RNF38: variants seen among roughly 807,000 people sequenced by gnomAD.
RNF38 encodes E3 ubiquitin-protein ligase RNF38.
RNF38 carries 15 observed loss-of-function variants against 67.2 expected under a neutral mutation model. The observed-to-expected ratio is 0.22, with a 90% confidence interval of 0.15 to 0.34. The LOEUF is 0.34. Ranked by LOEUF, RNF38 falls within the 10% of genes least tolerant of loss-of-function variation. The pLI, the probability that RNF38 is intolerant of heterozygous loss-of-function variation, is 1.00. For synonymous variants in RNF38, 220 were observed against 218.8 expected (o/e 1.01, Z -0.05); for missense variants, 524 against 639.9 (o/e 0.82, Z 1.95).
At chr9:36,350,700 A>G (rs889201904) in intron 9 of RNF38, among the ~76,000 whole-genome samples, 2 of 152,232 alleles carry the variant, frequency 1.3e-5, no homozygotes, top group Admixed American at 6.5e-5. Flanking sequence ...TAGAGCACCA[A>G]TCTACCTACC....
chr9:36,390,396 C>A, intron 2 of RNF38, 71 bp downstream of exon 2: 1 of 1,352,776 alleles, frequency 7.4e-7, no homozygotes. Context: ...CATTTTGTTT[C>A]AAGCCTTCCT....
chr9:36,369,241 CTTTT>C (rs1234996982), intron 4 of RNF38, among the ~76,000 whole-genome samples: 1 of 152,080 alleles, frequency 6.6e-6, no homozygotes, highest in African/African-American at 2.4e-5. Context: ...AACCTTGATC[CTTTT>C]TTTTAATTTT....
chr9:36,396,488 C>T (rs1837519747), intron 1 of RNF38, among the ~76,000 whole-genome samples: 2 of 152,070 alleles, frequency 1.3e-5, no homozygotes, highest in South Asian at 4.2e-4. Context: ...TATCACTGGG[C>T]CTAAAACAAA....
chr9:36,416,744 T>TTTTTTTTTG (rs1838482751), intron 2 of RNF38, among the ~76,000 whole-genome samples: 7 of 107,340 alleles, frequency 6.5e-5, no homozygotes, highest in African/African-American at 2.9e-4. Flanking sequence ...GCCTCGATAT[T>TTTTTTTTTG]TTTTTTTTTT....
chr9:36,400,274 G>A (rs1587618019), upstream of RNF38: 2 of 1,335,890 alleles, frequency 1.5e-6, no homozygotes, highest in East Asian at 2.8e-5. Flanking sequence ...AAGGACGCCA[G>A]AGAGGACCCT....
chr9:36,408,669 T>C (rs1041308667), intron 2 of RNF38, among the ~76,000 whole-genome samples: 3 of 152,194 alleles, frequency 2.0e-5, no homozygotes, highest in African/African-American at 7.2e-5. Flanking sequence ...TGGTGACCAA[T>C]GGGCCATGGG....
chr9:36,369,787 G>A lies in RNF38; in HGVS notation c.502C>T (p.Pro168Ser), dbSNP rs1835239956. Residue 168 changes from proline to serine, a missense_variant, in exon 4 of 12, where the codon CCC becomes TCC. This residue lies in a region of RNF38 where 461 missense variants were observed against 517.4 expected (regional missense o/e 0.89). Coordinates refer to ENST00000259605, the MANE Select transcript of RNF38 (RefSeq NM_022781.5). ...TGAGCAGCAGGATGTAGCAGACGGG[G>A]AGATACATTCGGAGGGTGGAAGGCT... Reference protein sequence around the residue: ...PRAFHPPNVSPRLLHPAAHPP... With the variant: ...PRAFHPPNVSSRLLHPAAHPP... 6.2e-7 allele frequency: 1 copy of A among 1,614,058 alleles called. No homozygotes were observed. Among genetic ancestry groups the A allele is most frequent in the Non-Finnish European group, 8.5e-7 (1 of 1,180,026 alleles).
At chr9:36,400,330 G>A, upstream of RNF38, 1 of 1,249,328 alleles carries the variant, frequency 8.0e-7, no homozygotes, top group Non-Finnish European at 1.0e-6. Context: ...TTTCACCTGC[G>A]TCTCGGCAAA....
In RNF38 at chr9:36,350,217, T is replaced by C. The variant is rs1054144945; in HGVS notation, c.1263+898A>G. Among the ~76,000 whole-genome samples the C allele has an allele frequency of 7.9e-5, 12 of 152,350 alleles. No homozygotes were observed. The East Asian group carries it at 2.3e-3, about 29-fold the overall frequency. ...CTGTTGTGTTCCTTTCTATTCGCAG[T>C]TCCTAAGGTTCAGAACATGCATGGT... On this transcript the variant is annotated intron_variant, in intron 9 of 11. Transcript: ENST00000259605.
At chr9:36,372,007 T>A in intron 3 of RNF38, among the ~76,000 whole-genome samples, 1 of 151,236 alleles carries the variant, frequency 6.6e-6, no homozygotes, top group East Asian at 2.0e-4. Context: ...CTCGGCTCAC[T>A]ACAACCTCTG....
chr9:36,467,217 C>CATAT (rs1170955335), intron 1 of RNF38, among the ~76,000 whole-genome samples: 1 of 52,526 alleles, frequency 1.9e-5, no homozygotes, highest in Non-Finnish European at 3.7e-5. Context: ...ATTGCTATTA[C>CATAT]ATATATATAT....
At chr9:36,379,391 GA>G (rs973417406) in intron 2 of RNF38, among the ~76,000 whole-genome samples, 2 of 152,106 alleles carry the variant, frequency 1.3e-5, no homozygotes, top group African/African-American at 2.4e-5. Context: ...AAAGAAATAA[GA>G]ATTATATTAA....
chr9:36,477,137 G>A (rs1840139042), intron 1 of RNF38, among the ~76,000 whole-genome samples: 1 of 151,066 alleles, frequency 6.6e-6, no homozygotes, highest in Non-Finnish European at 1.5e-5. Context: ...GCCTGGTCAA[G>A]ATGGTGAAAC....
chr9:36,450,057 T>C (rs907480321), intron 1 of RNF38, among the ~76,000 whole-genome samples: 11 of 152,222 alleles, frequency 7.2e-5, no homozygotes, highest in Non-Finnish European at 1.6e-4. Flanking sequence ...TCCCTTTCTT[T>C]TGTATTTTTT....
intron 6 of RNF38, among the ~76,000 whole-genome samples, chr9:36,355,395 A>G (rs907509780): frequency 6.6e-6 from 1 of 152,136 alleles, no homozygotes; most frequent in African/African-American, 2.4e-5. Context: ...TATAGTACTT[A>G]TATCTCCCAG....
intron 10 of RNF38, 68 bp downstream of exon 10, chr9:36,344,763 AC>A: frequency 1.4e-6 from 2 of 1,466,352 alleles, no homozygotes; most frequent in East Asian, 4.6e-5. Flanking sequence ...TACCTTAATG[AC>A]TCTTAAGCTT....
At chr9:36,408,423 T>C (rs999181029) in intron 2 of RNF38, among the ~76,000 whole-genome samples, 28 of 152,106 alleles carry the variant, frequency 1.8e-4, no homozygotes, top group Admixed American at 1.8e-3. Flanking sequence ...AGGCTAGCCC[T>C]ATGGACAGCA....
At chr9:36,347,830 C>T (rs1833387271) in intron 9 of RNF38, among the ~76,000 whole-genome samples, 1 of 152,170 alleles carries the variant, frequency 6.6e-6, no homozygotes, top group African/African-American at 2.4e-5. Context: ...GTAATCCCAG[C>T]ACTTTGGGAG....
At chr9:36,369,963 T>G in intron 3 of RNF38, 31 bp from the exon 4 acceptor site, 1 of 1,554,104 alleles carries the variant, frequency 6.4e-7, no homozygotes, top group Non-Finnish European at 8.8e-7. Flanking sequence ...AAAGTCATTA[T>G]GCTTATTGTG....
Sources: gnomAD v4.1 joint callset for allele counts (sites outside exome capture counted in the v4.1 genomes callset) on GRCh38, gnomAD v4.1.1 for gene constraint, gnomAD v4.1.1 regional missense constraint, MANE v1.5 for transcripts, NCBI Gene and HGNC (gene_info 2026-07-23, HGNC 2026-07-21) for gene names.